LARP1: variants seen among roughly 807,000 people sequenced by gnomAD.
The protein encoded by LARP1 is la-related protein 1.
In LARP1, 36 loss-of-function variants were observed where a neutral mutation model predicts 122.7. That is an observed-to-expected ratio of 0.29 (90% CI 0.22 to 0.39). The LOEUF (loss-of-function observed/expected upper bound fraction) is 0.39, where lower values mean the gene tolerates loss of function less well. LARP1 is among the 10% of genes least tolerant of loss of function. The probability of loss-of-function intolerance (pLI) is 1.00; values close to 1 mark genes in which losing one functional copy is unlikely to be tolerated. For synonymous variants in LARP1, 539 were observed against 528.7 expected (o/e 1.02, Z -0.27); for missense variants, 1,040 against 1,403.6 (o/e 0.74, Z 4.14).
intron 1 of LARP1, among the ~76,000 whole-genome samples, chr5:154,721,566 ACTTC>A (rs34478639): frequency 0.088 from 13,408 of 151,986 alleles, 743 homozygotes; most frequent in East Asian, 0.22. Context: ...GCACAGGTGA[ACTTC>A]CTTGTACCTC....
At position 154,776,247 on chromosome 5, in the gene LARP1, A is replaced by G. The variant is rs1245816097; in HGVS notation, c.437-14078A>G. Among the ~76,000 whole-genome samples, 5 of 152,210 alleles carry G rather than the reference A, an allele frequency of 3.3e-5. No homozygotes were observed. The South Asian group carries it at 6.2e-4, about 19-fold the overall frequency. ...GCTGTGAGGCAAAAGCAGGTGGACA[A>G]TTCCCTTCAGAACCTTCATTCTTCT... On this transcript the variant is annotated intron_variant, in intron 1 of 18. Transcript: ENST00000518297.
upstream of LARP1, among the ~76,000 whole-genome samples, chr5:154,752,657 G>A (rs760593907): frequency 5.9e-5 from 9 of 152,022 alleles, no homozygotes; most frequent in East Asian, 1.9e-4. Flanking sequence ...ATGTTGTCTC[G>A]GCCGGGCATG....
intron 3 of LARP1, 112 bp downstream of exon 3, chr5:154,790,822 C>T: frequency 1.0e-6 from 1 of 984,100 alleles, no homozygotes; most frequent in Non-Finnish European, 1.6e-6. Context: ...TTCATTCTTT[C>T]TTTTTTTTCC....
At chr5:154,712,944 T>G in exon 1 of LARP1, 1 of 1,614,070 alleles carries the variant, frequency 6.2e-7, no homozygotes, top group South Asian at 1.1e-5. Context: ...GAGGGTGCTT[T>G]TGTCAAAGAG....
upstream of LARP1, among the ~76,000 whole-genome samples, chr5:154,751,699 CAT>C (rs1165734530): frequency 6.6e-6 from 1 of 152,112 alleles, no homozygotes; most frequent in Non-Finnish European, 1.5e-5. Context: ...AGCACAGTCA[CAT>C]AAATTTTATT....
At chr5:154,783,477 T>C (rs894686319) in intron 1 of LARP1, among the ~76,000 whole-genome samples, 1 of 152,210 alleles carries the variant, frequency 6.6e-6, no homozygotes, top group African/African-American at 2.4e-5. Context: ...ATCCCTGCTA[T>C]TGAGAAACTG....
intron 1 of LARP1, among the ~76,000 whole-genome samples, chr5:154,734,632 T>C (rs1756773255): frequency 6.6e-6 from 1 of 152,188 alleles, no homozygotes; most frequent in South Asian, 2.1e-4. Context: ...GGCAAATGTA[T>C]TGTTTTGGTT....
Position 154,694,557 on chromosome 5 carries a change from G to A in LARP1, c.-180+11520G>A, listed in dbSNP as rs1007819622. On this transcript the variant is annotated intron_variant, in intron 1 of 18. Coordinates refer to the LARP1 transcript ENST00000687700. ...TTACAGGTGTAAGCGACTATACCTGGCCCACCATGCTTTAGACAATGGGGA... is the reference window on the plus strand; with the variant it reads ...TTACAGGTGTAAGCGACTATACCTGACCCACCATGCTTTAGACAATGGGGA... Among the ~76,000 whole-genome samples, 5 of 152,074 alleles carry A rather than the reference G, an allele frequency of 3.3e-5. No individual in the cohort carries two copies. The South Asian group carries it at 6.2e-4, about 19-fold the overall frequency.
chr5:154,702,540 G>A (rs555161604), intron 1 of LARP1, among the ~76,000 whole-genome samples: 1 of 148,544 alleles, frequency 6.7e-6, no homozygotes, highest in African/African-American at 2.5e-5. Flanking sequence ...TGGGCAACAC[G>A]AACGAAACTC....
At chr5:154,794,358 AG>A (rs1188097071) in intron 7 of LARP1, 96 bp downstream of exon 7, 1 of 1,194,282 alleles carries the variant, frequency 8.4e-7, no homozygotes, top group Non-Finnish European at 1.2e-6. Context: ...GGTGCTTAGC[AG>A]CAGTTTCAGC....
intron 1 of LARP1, among the ~76,000 whole-genome samples, chr5:154,699,009 A>T (rs1754598030): frequency 6.6e-6 from 1 of 152,216 alleles, no homozygotes; most frequent in African/African-American, 2.4e-5. Context: ...TTCTTTCGAT[A>T]CAAGCTGTGG....
intron 14 of LARP1, 60 bp from the exon 15 acceptor site, chr5:154,805,821 C>T (rs1476478316): frequency 3.8e-6 from 6 of 1,569,144 alleles, no homozygotes; most frequent in East Asian, 2.2e-5. Context: ...AGGGACCCCT[C>T]CTGACATGGT....
chr5:154,786,063 A>T (rs977505019), intron 1 of LARP1, among the ~76,000 whole-genome samples: 4 of 151,308 alleles, frequency 2.6e-5, no homozygotes, highest in Middle Eastern at 3.4e-3. Flanking sequence ...TTTTTTTGAG[A>T]TGGAGTTTCA....
intron 1 of LARP1, among the ~76,000 whole-genome samples, chr5:154,704,769 A>G (rs1040740169): frequency 2.0e-5 from 3 of 152,004 alleles, no homozygotes; most frequent in Admixed American, 1.3e-4. Flanking sequence ...ACTATCCACA[A>G]TCTATAAGGG....
intron 8 of LARP1, among the ~76,000 whole-genome samples, chr5:154,795,875 A>G (rs1348419808): frequency 7.5e-6 from 1 of 132,516 alleles, no homozygotes; most frequent in Non-Finnish European, 1.5e-5. Context: ...ATTTATATAT[A>G]AAATATACAT....
chr5:154,809,052 T>C (rs1759029444), intron 16 of LARP1, among the ~76,000 whole-genome samples: 1 of 152,216 alleles, frequency 6.6e-6, no homozygotes, highest in Admixed American at 6.5e-5. Context: ...TAATTAACTT[T>C]GTTGTTCTTT....
rs553631349 is a variant in LARP1 at position 154,683,567 on chromosome 5, C to A, written c.-180+530C>A. On this transcript the variant is annotated intron_variant, in intron 1 of 18. Coordinates refer to the LARP1 transcript ENST00000687700. The stretch of plus-strand genomic sequence containing the variant: ...CTAGTTTGCCACAGTCTCCGCTACT[C>A]CCTACTGTTTCACCTAGGCCACTGA... Among the ~76,000 whole-genome samples the A allele has an allele frequency of 4.6e-5, 7 of 152,312 alleles. No homozygotes were observed. The East Asian group carries it at 1.4e-3, about 29-fold the overall frequency.
At chr5:154,710,304 G>A (rs1357340919), upstream of LARP1, among the ~76,000 whole-genome samples, 7 of 152,152 alleles carry the variant, frequency 4.6e-5, no homozygotes, top group South Asian at 8.3e-4. Flanking sequence ...TTTTCAGATC[G>A]GCTAAATAAA....
chr5:154,790,449 T>C (rs1476016173), intron 2 of LARP1, 63 bp downstream of exon 2: 5 of 1,487,498 alleles, frequency 3.4e-6, no homozygotes, highest in African/African-American at 2.8e-5. Flanking sequence ...TTTCCTGTTT[T>C]AGTGAATGCT....
Sources: allele counts gnomAD v4.1 joint callset (sites outside exome capture counted in the v4.1 genomes callset), GRCh38; gene constraint gnomAD v4.1.1; transcripts MANE v1.5; gene names NCBI Gene and HGNC (gene_info 2026-07-23, HGNC 2026-07-21).